TIMM44: variants seen among roughly 807,000 people sequenced by gnomAD.
TIMM44 encodes mitochondrial import inner membrane translocase subunit TIM44.
Under a neutral mutation model 63.8 loss-of-function variants are expected in TIMM44, and 37 were observed. The observed-to-expected ratio is 0.58, with a 90% CI of 0.45 to 0.76. TIMM44 has a LOEUF of 0.76. Ranked by LOEUF, TIMM44 falls within the 30% of genes least tolerant of loss-of-function variation. The pLI is 0.00. For missense variants in TIMM44, 573 were observed against 603.8 expected, an observed-to-expected ratio of 0.95 and a Z score of 0.54; for synonymous variants, 239 against 245.1, an observed-to-expected ratio of 0.98 and a Z score of 0.23.
rs557335749 is a variant in TIMM44, at chr19:7,933,024, G to A, written c.770-92C>T. ...TCTAGAGGCTCCCTGTGACCCCTGC[G>A]GGATCCACCCTGACACGGGTGGGGT... is the stretch of plus-strand genomic sequence containing the variant. On this transcript the variant is annotated intron_variant, in intron 7 of 12. Transcript: ENST00000270538. This position sits in a 1 kb window ranked among gnomAD's most constrained non-coding sequence, Gnocchi z 4.3. The A allele has an allele frequency of 6.9e-5, 72 of 1,039,628 alleles. 1 individual carries two copies. The African/African-American group carries it at 9.6e-4, about 14-fold the overall frequency. 64.4% of individuals were successfully genotyped at this position (1,039,628 alleles called of 1,614,324 possible). A position where few individuals can be genotyped will look rare whatever the true frequency, so the allele number is the denominator to read the frequency against.
intron 1 of TIMM44, among the ~76,000 whole-genome samples, chr19:7,942,955 C>T (rs182075486): frequency 1.4e-5 from 2 of 145,970 alleles, no homozygotes; most frequent in East Asian, 4.2e-4. Flanking sequence ...CGCTTGAACC[C>T]GGAGGCAGAA....
At chr19:7,932,050 G>C (rs948059763) in intron 9 of TIMM44, among the ~76,000 whole-genome samples, 1 of 152,242 alleles carries the variant, frequency 6.6e-6, no homozygotes, top group Admixed American at 6.5e-5. Flanking sequence ...AAGGTGTCCA[G>C]GCTCCTCCTG....
chr19:7,934,090 TG>T lies in TIMM44; in HGVS notation c.541del (p.Gln181ArgfsTer6). 1 of 1,613,296 alleles carries T rather than the reference TG, an allele frequency of 6.2e-7. No individual in the cohort carries two copies. Among genetic ancestry groups the T allele is most frequent in the Non-Finnish European group, 8.5e-7 (1 of 1,179,978 alleles). ...GRTAAFRALS[Q>X]GVESVKKEID... ...GCCCTAGCCCAGGACTGGGCTCACC[TG>T]GGAGAGGGCTCTGAAGGCCGCTGTC... On this transcript the variant is annotated frameshift_variant and splice_region_variant, in exon 5 of 13. Transcript: ENST00000270538. LOFTEE classifies it high-confidence loss of function. The surrounding 1 kb of genome is among the most constrained non-coding windows in gnomAD (Gnocchi z 5.3).
In TIMM44 at chr19:7,927,777, G is replaced by A. The variant is rs748897789; in HGVS notation, c.1129-10C>T. The A allele has an allele frequency of 1.9e-6, 3 of 1,608,158 alleles. No homozygotes were observed. Among genetic ancestry groups the A allele is most frequent in the South Asian group, 1.1e-5 (1 of 91,084 alleles). On this transcript the variant is annotated splice_polypyrimidine_tract_variant and intron_variant, in intron 11 of 12. Transcript: ENST00000270538. The stretch of plus-strand genomic sequence containing the variant: ...TCTTGCCCATGGCCAGCTGCAGAGG[G>A]GCCGAGAGGGGGGATGTGCCTCAGA...
intron 9 of TIMM44, chr19:7,932,390 A>T (rs1338175626): frequency 1.7e-6 from 1 of 579,958 alleles, no homozygotes; most frequent in East Asian, 2.9e-5. Flanking sequence ...CTCAGGCAGG[A>T]GGAGTGAGGG....
chr19:7,934,346 G>C lies in TIMM44; in HGVS notation c.394-108C>G, dbSNP rs1484688669. The stretch of plus-strand genomic sequence containing the variant: ...GAGAGAAGGGCGGATCTGGTTCCCC[G>C]AGGCCGGCAGAGGCCTTCTGTGCTC... On this transcript the variant is annotated intron_variant, in intron 4 of 12. Transcript: ENST00000270538. This position sits in a 1 kb window ranked among gnomAD's most constrained non-coding sequence, Gnocchi z 5.3. 4 of 1,388,702 alleles carry C rather than the reference G, an allele frequency of 2.9e-6. No individual in the cohort carries two copies. In the East Asian group the frequency reaches 6.9e-5, roughly 24 times the overall value. The allele number at this position is 1,388,702 out of a possible 1,614,324, so 86.0% of individuals were successfully genotyped here.
chr19:7,935,038 G>A (rs115341876), intron 4 of TIMM44, 27 bp downstream of exon 4: 16,170 of 1,600,256 alleles, frequency 0.01, 114 homozygotes, highest in Middle Eastern at 0.013. Flanking sequence ...TGGCCCCAGC[G>A]GCTCCAGGCG....
rs1984364128 is a variant in TIMM44 at position 7,943,423 on chromosome 19, C to G, written c.45+184G>C. Reference sequence around the variant, plus strand: ...CCGCCCCCTGCCCGGTAAGCTCGGTCCCCGCCCTCAGGCCACGCTCTGTGC... The same window carrying G: ...CCGCCCCCTGCCCGGTAAGCTCGGTGCCCGCCCTCAGGCCACGCTCTGTGC... On this transcript the variant is annotated intron_variant, in intron 1 of 12. Transcript: ENST00000270538. This position sits in a 1 kb window ranked among gnomAD's most constrained non-coding sequence, Gnocchi z 4.3. Among the ~76,000 whole-genome samples the G allele has an allele frequency of 6.6e-6, 1 of 152,150 alleles. No homozygotes were observed. The highest frequency in any genetic ancestry group is 1.5e-5 in the Non-Finnish European group (1 of 68,028).
intron 2 of TIMM44, among the ~76,000 whole-genome samples, chr19:7,938,495 T>C (rs1481618073): frequency 1.3e-5 from 2 of 152,052 alleles, no homozygotes; most frequent in African/African-American, 4.8e-5. Context: ...AAGACCAACC[T>C]GGGCAACACA....
intron 2 of TIMM44, among the ~76,000 whole-genome samples, chr19:7,939,656 C>T (rs1042041918): frequency 1.4e-5 from 2 of 147,834 alleles, no homozygotes; most frequent in South Asian, 4.3e-4. Context: ...TGGCTCATAT[C>T]TGTAATCCTA....
rs1156508706 is a variant in TIMM44 at position 7,938,088 on chromosome 19, A to C, written c.251T>G (p.Phe84Cys). The C allele has an allele frequency of 1.2e-6, 2 of 1,614,052 alleles. No homozygotes were observed. The highest frequency in any genetic ancestry group is 1.7e-6 in the Non-Finnish European group (2 of 1,180,024). The change falls in exon 3 of 13, where the codon TTC becomes TGC. Residue 84 changes from phenylalanine (F) to cysteine (C), a missense_variant. By Grantham distance (205) the Phe-to-Cys change is radical. Transcript: ENST00000270538. ...TTCTAGCCTTCTGGCCTCGTCACGG[A>C]ATTTTTTTATACTTTCTTTCATTTC... Reference protein sequence around the residue: ...NKEMKESIKKFRDEARRLEES... With the variant: ...NKEMKESIKKCRDEARRLEES...
chr19:7,931,355 G>A, intron 9 of TIMM44, 167 bp from the exon 10 acceptor site: 1 of 698,894 alleles, frequency 1.4e-6, no homozygotes, highest in South Asian at 1.5e-5. Context: ...GTCCCCCCCA[G>A]GCCCGTCCCT....
At chr19:7,942,982 G>A (rs1204421761) in intron 1 of TIMM44, among the ~76,000 whole-genome samples, 3 of 148,020 alleles carry the variant, frequency 2.0e-5, no homozygotes, top group African/African-American at 5.0e-5. Context: ...AGAAGTTGCA[G>A]TGAGCCGAGA....
Position 7,927,202 on chromosome 19 carries a change from G to C in TIMM44, c.1344C>G (p.Thr448=), listed in dbSNP as rs200857097. ...GGCACCACACTCAGAGAATCTGCTCGGTGCTGGAGGCCGAGATGTCCAGGA... is the reference window on the plus strand; with the variant it reads ...GGCACCACACTCAGAGAATCTGCTCCGTGCTGGAGGCCGAGATGTCCAGGA... The part of the protein sequence containing the change: ...WRLLDISASS[T]EQIL Residue 448 remains threonine, a synonymous_variant, in exon 13 of 13, where the codon ACC becomes ACG. Coordinates refer to ENST00000270538, the MANE Select transcript of TIMM44 (RefSeq NM_006351.4). The C allele has an allele frequency of 1.2e-6, 2 of 1,610,052 alleles. No individual in the cohort carries two copies. Among genetic ancestry groups the C allele is most frequent in the South Asian group, 2.2e-5 (2 of 91,048 alleles).
chr19:7,927,372 G>T (rs1445081268), intron 12 of TIMM44, 66 bp from the exon 13 acceptor site: 2 of 1,585,566 alleles, frequency 1.3e-6, no homozygotes, highest in Non-Finnish European at 1.7e-6. Context: ...TCTGGGGGGG[G>T]GCCAGGCTCT....
At position 7,932,851 on chromosome 19, in the gene TIMM44, G is replaced by A. The variant is rs1285763152; in HGVS notation, c.851C>T (p.Thr284Ile). ...GATGACTCACTCACCCAGCAAGTCG[G>A]TGACCTTGTCCGTAAGGGCCCGGGA... ...RASRALTDKV[T>I]DLLGGLFSKT... The change falls in exon 8 of 13, where the codon ACC becomes ATC. Residue 284 changes from threonine to isoleucine, a missense_variant. Transcript: ENST00000270538. 1.7e-5 allele frequency: 27 copies of A among 1,614,096 alleles called. No homozygotes were observed. Among genetic ancestry groups the A allele is most frequent in the East Asian group, 6.7e-5 (3 of 44,892 alleles).
Position 7,942,254 on chromosome 19 carries a change from A to T in TIMM44, c.46-1057T>A, listed in dbSNP as rs181184586. ...CCCACACACCTGTAGTATTGCTTAAACCCGGGAGGTGGAGGGTGCAGTGAG... is the reference window on the plus strand; with the variant it reads ...CCCACACACCTGTAGTATTGCTTAATCCCGGGAGGTGGAGGGTGCAGTGAG... On this transcript the variant is annotated intron_variant, in intron 1 of 12. Coordinates refer to ENST00000270538, the MANE Select transcript of TIMM44 (RefSeq NM_006351.4). Among the ~76,000 whole-genome samples, 34 of 152,126 alleles carry T rather than the reference A, an allele frequency of 2.2e-4. No homozygotes were observed. In the East Asian group the frequency reaches 6.2e-3, roughly 28 times the overall value.
chr19:7,927,499 C>A, intron 12 of TIMM44, 158 bp downstream of exon 12: 2 of 1,015,582 alleles, frequency 2.0e-6, no homozygotes, highest in East Asian at 2.5e-5. Context: ...TGGTCTCCGA[C>A]CTCCCTCAAC....
At chr19:7,941,508 G>A (rs978573857) in intron 1 of TIMM44, among the ~76,000 whole-genome samples, 2 of 151,830 alleles carry the variant, frequency 1.3e-5, no homozygotes, top group Non-Finnish European at 1.5e-5. Flanking sequence ...GGCTGGTCTC[G>A]AACTCCTGAC....
Sources: gnomAD v4.1 joint callset for allele counts (sites outside exome capture counted in the v4.1 genomes callset) on GRCh38, gnomAD v4.1.1 for gene constraint, Gnocchi (gnomAD v3.1) non-coding constraint, MANE v1.5 for transcripts, NCBI Gene and HGNC (gene_info 2026-07-23, HGNC 2026-07-21) for gene names.